Variants in ZSWIM6 observed in about 807,000 individuals in gnomAD.
ZSWIM6 encodes zinc finger SWIM-type containing 6.
In ZSWIM6, 9 loss-of-function variants were observed where a neutral mutation model predicts 113.2. That is an observed-to-expected ratio of 0.08 (90% CI 0.05 to 0.14). The LOEUF (loss-of-function observed/expected upper bound fraction) is 0.14. Among genes scored for constraint, ZSWIM6 ranks in the 10% least tolerant of loss-of-function variants. ZSWIM6 has a pLI of 1.00. For missense variants in ZSWIM6, 1,162 were observed against 1,552.2 expected (o/e 0.75, Z 4.22); for synonymous variants, 611 against 606.5 (o/e 1.01, Z -0.11).
chr5:61,460,909 G>T (rs1747310751), intron 1 of ZSWIM6, among the ~76,000 whole-genome samples: 1 of 151,676 alleles, frequency 6.6e-6, no homozygotes, highest in Non-Finnish European at 1.5e-5. Flanking sequence ...ATTTTGCATA[G>T]ATAAACCCTA....
At chr5:61,538,667 G>A in intron 10 of ZSWIM6, 147 bp from the exon 11 acceptor site, 1 of 819,436 alleles carries the variant, frequency 1.2e-6, no homozygotes, top group Non-Finnish European at 1.8e-6. Context: ...CACCCACACA[G>A]CAGAGTATAG....
chr5:61,344,153 C>T (rs1203121639), intron 1 of ZSWIM6, among the ~76,000 whole-genome samples: 2 of 152,176 alleles, frequency 1.3e-5, no homozygotes, highest in Non-Finnish European at 2.9e-5. Flanking sequence ...CCTTGGCCTC[C>T]CAGAGTGTTG....
chr5:61,494,517 T>C, intron 4 of ZSWIM6, 107 bp downstream of exon 4: 1 of 1,391,608 alleles, frequency 7.2e-7, no homozygotes, highest in Non-Finnish European at 9.8e-7. Flanking sequence ...GAGCTGCTCA[T>C]GCATGGAACG....
At chr5:61,374,803 C>T (rs1310590204) in intron 1 of ZSWIM6, among the ~76,000 whole-genome samples, 1 of 152,162 alleles carries the variant, frequency 6.6e-6, no homozygotes, top group African/African-American at 2.4e-5. Flanking sequence ...GATCCGCCCG[C>T]CTCGGCCTCC....
At chr5:61,405,794 C>T (rs925681423) in intron 1 of ZSWIM6, among the ~76,000 whole-genome samples, 1 of 152,136 alleles carries the variant, frequency 6.6e-6, no homozygotes, top group African/African-American at 2.4e-5. Context: ...TGGAAAGGGG[C>T]TCAGAGTTTA....
chr5:61,417,996 ATAAC>A (rs1746289576), intron 1 of ZSWIM6, among the ~76,000 whole-genome samples: 2 of 152,216 alleles, frequency 1.3e-5, no homozygotes, highest in Admixed American at 1.3e-4. Context: ...TTACATATGA[ATAAC>A]TGAGGCAGTG....
chr5:61,475,149 T>G (rs945048343), intron 2 of ZSWIM6, among the ~76,000 whole-genome samples: 4 of 152,214 alleles, frequency 2.6e-5, no homozygotes, highest in African/African-American at 9.6e-5. Flanking sequence ...AATTGTTCAG[T>G]GGAAGCAGAG....
chr5:61,537,768 C>T (rs931730810), intron 10 of ZSWIM6, among the ~76,000 whole-genome samples: 9 of 152,152 alleles, frequency 5.9e-5, no homozygotes, highest in Admixed American at 3.3e-4. Flanking sequence ...TGGTCTCCAG[C>T]TCTTATCTTA....
intron 1 of ZSWIM6, among the ~76,000 whole-genome samples, chr5:61,443,298 A>G (rs1002382345): frequency 1.3e-5 from 2 of 152,246 alleles, no homozygotes; most frequent in Non-Finnish European, 2.9e-5. Context: ...ACAATTTAGC[A>G]TAATAATCAT....
Position 61,543,218 on chromosome 5 carries a change from G to A in ZSWIM6, c.2786-237G>A, listed in dbSNP as rs1480711076. Among the ~76,000 whole-genome samples the A allele has an allele frequency of 2.9e-5, 4 of 136,118 alleles. No individual in the cohort carries two copies. In the East Asian group the frequency reaches 7.8e-4, roughly 26 times the overall value. 89.3% of individuals were successfully genotyped at this position (136,118 alleles called of 152,430 possible). A position where few individuals can be genotyped will look rare whatever the true frequency, so the allele number is the denominator to read the frequency against. Reference sequence around the variant, plus strand: ...ACAGTACAAATACCAGCTACCAAGAGGATTGGTTCTTTATTATAGCAAGTT... The same window carrying A: ...ACAGTACAAATACCAGCTACCAAGAAGATTGGTTCTTTATTATAGCAAGTT... On this transcript the variant is annotated intron_variant, in intron 13 of 13. Transcript: ENST00000252744. The surrounding 1 kb of genome is among the most constrained non-coding windows in gnomAD (Gnocchi z 4.3).
chr5:61,511,222 A>G (rs1452877609), intron 4 of ZSWIM6, among the ~76,000 whole-genome samples: 1 of 152,138 alleles, frequency 6.6e-6, no homozygotes, highest in African/African-American at 2.4e-5. Flanking sequence ...AGAATGTTGC[A>G]AGCAAATTAA....
intron 1 of ZSWIM6, among the ~76,000 whole-genome samples, chr5:61,454,073 A>G (rs1216874733): frequency 2.6e-5 from 4 of 151,850 alleles, no homozygotes; most frequent in Non-Finnish European, 5.9e-5. Flanking sequence ...TATTTATTCA[A>G]TACTTTATTT....
At chr5:61,447,915 C>G (rs1006056866) in intron 1 of ZSWIM6, among the ~76,000 whole-genome samples, 3 of 152,036 alleles carry the variant, frequency 2.0e-5, no homozygotes, top group Admixed American at 1.3e-4. Context: ...ACCATGTGTG[C>G]TAAAATAGGA....
At chr5:61,459,042 A>C (rs1445762313) in intron 1 of ZSWIM6, among the ~76,000 whole-genome samples, 2 of 152,284 alleles carry the variant, frequency 1.3e-5, no homozygotes, top group East Asian at 3.9e-4. Context: ...CTAAGCCACT[A>C]TGTACATAAT....
At chr5:61,510,053 A>G (rs1748736257) in intron 4 of ZSWIM6, among the ~76,000 whole-genome samples, 1 of 152,008 alleles carries the variant, frequency 6.6e-6, no homozygotes, top group Admixed American at 6.6e-5. Context: ...GTTAGAAATT[A>G]TCGTTCCTAT....
chr5:61,540,428 A>T (rs910114242), intron 12 of ZSWIM6, among the ~76,000 whole-genome samples: 1 of 152,226 alleles, frequency 6.6e-6, no homozygotes, highest in African/African-American at 2.4e-5. Flanking sequence ...AAAAGCAGTG[A>T]ACAAAATTGT....
intron 1 of ZSWIM6, among the ~76,000 whole-genome samples, chr5:61,410,392 C>T (rs1746130303): frequency 1.3e-5 from 2 of 151,106 alleles, no homozygotes; most frequent in Non-Finnish European, 2.9e-5. Flanking sequence ...TCACTGCAAC[C>T]TCTGACTCCC....
At chr5:61,525,540 T>G (rs1236295634) in intron 5 of ZSWIM6, among the ~76,000 whole-genome samples, 1 of 152,220 alleles carries the variant, frequency 6.6e-6, no homozygotes, top group Non-Finnish European at 1.5e-5. Flanking sequence ...ACAATTCTTT[T>G]TGCAGGACGC....
intron 4 of ZSWIM6, among the ~76,000 whole-genome samples, chr5:61,506,632 G>A (rs967758619): frequency 5.9e-5 from 9 of 151,992 alleles, no homozygotes; most frequent in Admixed American, 5.2e-4. Context: ...TATTAAGACA[G>A]CATTGTACTG....
Sources: allele counts gnomAD v4.1 joint callset (sites outside exome capture counted in the v4.1 genomes callset), GRCh38; gene constraint gnomAD v4.1.1; non-coding constraint Gnocchi (gnomAD v3.1); transcripts MANE v1.5; gene names NCBI Gene and HGNC (gene_info 2026-07-23, HGNC 2026-07-21).